Variants in DPYD observed in about 807,000 individuals in gnomAD.
The protein encoded by DPYD is dihydropyrimidine dehydrogenase [NADP(+)].
DPYD carries 109 observed loss-of-function variants against 116.2 expected under a neutral mutation model. The ratio of observed to expected loss-of-function variants is 0.94; its 90% confidence interval spans 0.80 to 1.10. The LOEUF is 1.10. Ranked by LOEUF, DPYD falls within the 50% of genes least tolerant of loss-of-function variation. The probability of loss-of-function intolerance (pLI) is 0.00; values close to 1 mark genes in which losing one functional copy is unlikely to be tolerated. For missense variants in DPYD, 1,302 were observed against 1,254.5 expected, an observed-to-expected ratio of 1.04 and a Z score of -0.57; for synonymous variants, 440 against 432.0, an observed-to-expected ratio of 1.02 and a Z score of -0.23.
chr1:97,493,783 A>T (rs940217167), intron 13 of DPYD, among the ~76,000 whole-genome samples: 2 of 152,170 alleles, frequency 1.3e-5, no homozygotes, highest in Non-Finnish European at 2.9e-5. Flanking sequence ...TTTCTTAAAA[A>T]CCTACAGAAA....
chr1:97,834,969 A>T (rs1305557021), intron 2 of DPYD, among the ~76,000 whole-genome samples: 2 of 151,976 alleles, frequency 1.3e-5, no homozygotes, highest in Non-Finnish European at 2.9e-5. Flanking sequence ...TAATCAAGAG[A>T]TTCATATTTC....
At chr1:97,917,544 C>G (rs1674276295) in intron 1 of DPYD, among the ~76,000 whole-genome samples, 1 of 152,166 alleles carries the variant, frequency 6.6e-6, no homozygotes, top group African/African-American at 2.4e-5. Flanking sequence ...AATTCCGAAA[C>G]CATTTCTGTT....
chr1:97,345,065 C>T (rs571323687), intron 16 of DPYD, among the ~76,000 whole-genome samples: 1 of 151,960 alleles, frequency 6.6e-6, no homozygotes, highest in South Asian at 2.1e-4. Context: ...TCCATTCTGA[C>T]CAGCTGGGTT....
chr1:97,482,913 A>G (rs551601042), intron 13 of DPYD, among the ~76,000 whole-genome samples: 1 of 152,290 alleles, frequency 6.6e-6, no homozygotes, highest in Non-Finnish European at 1.5e-5. Flanking sequence ...ATTATATTTT[A>G]TGTTTGTAGC....
chr1:97,108,319 A>C (rs1651329678), intron 20 of DPYD, among the ~76,000 whole-genome samples: 1 of 152,102 alleles, frequency 6.6e-6, no homozygotes, highest in Non-Finnish European at 1.5e-5. Flanking sequence ...CACCGGTAAC[A>C]TGAGGGGGTT....
intron 2 of DPYD, among the ~76,000 whole-genome samples, chr1:97,846,854 T>C (rs778659812): frequency 9.9e-5 from 15 of 152,176 alleles, no homozygotes; most frequent in Non-Finnish European, 2.1e-4. Flanking sequence ...CTTCTCAAAA[T>C]GTACAACTAA....
intron 14 of DPYD, among the ~76,000 whole-genome samples, chr1:97,436,858 T>C (rs1476616674): frequency 6.6e-6 from 1 of 151,848 alleles, no homozygotes; most frequent in Non-Finnish European, 1.5e-5. Context: ...AAGAGTTGGG[T>C]AGGGACTGAA....
intron 16 of DPYD, among the ~76,000 whole-genome samples, chr1:97,330,935 C>G (rs987764861): frequency 1.3e-5 from 2 of 152,100 alleles, no homozygotes; most frequent in African/African-American, 4.8e-5. Flanking sequence ...TCTTTGTTGA[C>G]TGAATATTAA....
At chr1:97,646,856 G>C (rs1398572456) in intron 8 of DPYD, among the ~76,000 whole-genome samples, 6 of 151,968 alleles carry the variant, frequency 3.9e-5, no homozygotes, top group Admixed American at 2.0e-4. Context: ...ATTTGTACTG[G>C]ATTACTTGAG....
chr1:97,113,356 G>A (rs962371941), intron 20 of DPYD, among the ~76,000 whole-genome samples: 3 of 152,136 alleles, frequency 2.0e-5, no homozygotes, highest in South Asian at 2.1e-4. Flanking sequence ...CTATCAGAAA[G>A]GAAAGGTAAG....
intron 1 of DPYD, among the ~76,000 whole-genome samples, chr1:97,911,878 A>G (rs1386248803): frequency 6.6e-6 from 1 of 152,118 alleles, no homozygotes; most frequent in African/African-American, 2.4e-5. Flanking sequence ...ATCCAAGATA[A>G]CAACCTGAGG....
chr1:97,689,159 T>C (rs1052929075), intron 7 of DPYD, among the ~76,000 whole-genome samples: 1 of 151,560 alleles, frequency 6.6e-6, no homozygotes, highest in African/African-American at 2.4e-5. Flanking sequence ...TATTCTCTTG[T>C]AACATGATAT....
chr1:97,493,682 C>G (rs1679096700), intron 13 of DPYD, among the ~76,000 whole-genome samples: 1 of 152,036 alleles, frequency 6.6e-6, no homozygotes, highest in Non-Finnish European at 1.5e-5. Context: ...GTCCCATGAG[C>G]TATGGGACTC....
intron 19 of DPYD, among the ~76,000 whole-genome samples, chr1:97,218,890 A>T (rs115964735): frequency 0.011 from 1,721 of 152,228 alleles, 37 homozygotes; most frequent in African/African-American, 0.039. Context: ...TGTTAGGAGG[A>T]TAAGAGATTT....
rs1661481188 is a variant in DPYD, at chr1:97,699,565, G to A, written c.484-18C>T. The A allele has an allele frequency of 6.2e-7, 1 of 1,611,800 alleles. No individual in the cohort carries two copies. Among genetic ancestry groups the A allele is most frequent in the African/African-American group, 1.3e-5 (1 of 74,840 alleles). On this transcript the variant is annotated intron_variant, in intron 5 of 22. Transcript: ENST00000370192. ...TTGAATACCTACGGGGAAATCAATT[G>A]TCATGGTTAAAATTTTGAAACTAGC...
rs1234053693 is a variant in DPYD, at chr1:97,306,058, T to G, written c.2179+119A>C. On this transcript the variant is annotated intron_variant, in intron 17 of 22. Transcript: ENST00000370192. ...TGGGATCAAGTGCTCAACTGGAAACTTTTAAAATTGAGACAAAAAATATGC... is the reference window on the plus strand; with the variant it reads ...TGGGATCAAGTGCTCAACTGGAAACGTTTAAAATTGAGACAAAAAATATGC... The G allele has an allele frequency of 5.2e-6, 8 of 1,545,018 alleles. No homozygotes were observed. The Admixed American group carries it at 1.3e-4, about 26-fold the overall frequency.
chr1:97,880,744 T>A (rs1439592444), intron 2 of DPYD, among the ~76,000 whole-genome samples: 2 of 152,006 alleles, frequency 1.3e-5, no homozygotes, highest in African/African-American at 4.8e-5. Flanking sequence ...TGTTCTTTTG[T>A]GCATATATAT....
intron 14 of DPYD, among the ~76,000 whole-genome samples, chr1:97,421,731 G>A (rs1179126142): frequency 6.6e-6 from 1 of 152,090 alleles, no homozygotes; most frequent in Non-Finnish European, 1.5e-5. Flanking sequence ...TCCTCAGGGA[G>A]GTGGAAACAC....
intron 19 of DPYD, among the ~76,000 whole-genome samples, chr1:97,221,406 A>G (rs987258504): frequency 5.9e-5 from 8 of 135,220 alleles, no homozygotes; most frequent in Non-Finnish European, 9.8e-5. Context: ...CAAACTGTGA[A>G]TATGCAAATC....
Sources: gnomAD v4.1 joint callset for allele counts (sites outside exome capture counted in the v4.1 genomes callset) on GRCh38, gnomAD v4.1.1 for gene constraint, MANE v1.5 for transcripts, NCBI Gene and HGNC (gene_info 2026-07-23, HGNC 2026-07-21) for gene names.